The following TTLL7 variants were observed in gnomAD, a reference collection of about 807,000 sequenced individuals.
The protein encoded by TTLL7 is tubulin polyglutamylase TTLL7.
TTLL7 carries 53 observed loss-of-function variants against 120.2 expected under a neutral mutation model. The ratio of observed to expected loss-of-function variants is 0.44; its 90% CI spans 0.35 to 0.55. The LOEUF is 0.55. Among genes scored for constraint, TTLL7 ranks in the 20% least tolerant of loss-of-function variants. The pLI, the probability that TTLL7 is intolerant of heterozygous loss-of-function variation, is 0.00. For missense variants in TTLL7, 803 were observed against 1,054.7 expected (o/e 0.76, Z 3.31); for synonymous variants, 353 against 351.7 (o/e 1.00, Z -0.04).
At chr1:83,952,425 T>G (rs1649144691) in intron 1 of TTLL7, 38 bp from the exon 2 acceptor site, 1 of 434,226 alleles carries the variant, frequency 2.3e-6, no homozygotes, top group Non-Finnish European at 4.0e-6. Context: ...TAGAAAAAAC[T>G]TTTTTGAATT....
At chr1:83,988,407 G>A (rs973160989) in intron 1 of TTLL7, among the ~76,000 whole-genome samples, 2 of 152,180 alleles carry the variant, frequency 1.3e-5, no homozygotes, top group Non-Finnish European at 2.9e-5. Context: ...ATCCAGTAAT[G>A]GGATTGCTGG....
chr1:83,903,776 G>A (rs1457829357), intron 18 of TTLL7, among the ~76,000 whole-genome samples: 4 of 151,904 alleles, frequency 2.6e-5, no homozygotes, highest in Non-Finnish European at 5.9e-5. Flanking sequence ...TTGCATCCAT[G>A]GATGCGAAAC....
At chr1:83,972,435 T>C (rs143297085) in intron 1 of TTLL7, among the ~76,000 whole-genome samples, 1 of 152,218 alleles carries the variant, frequency 6.6e-6, no homozygotes, top group Non-Finnish European at 1.5e-5. Flanking sequence ...TATGACTTAA[T>C]AGCTCATTTC....
At chr1:83,959,316 T>A (rs188555062) in intron 1 of TTLL7, among the ~76,000 whole-genome samples, 2 of 152,292 alleles carry the variant, frequency 1.3e-5, no homozygotes, top group East Asian at 3.9e-4. Context: ...CCAGGGCAGA[T>A]CCAGGAAAGT....
intron 3 of TTLL7, 136 bp from the exon 4 acceptor site, chr1:83,950,122 T>C (rs1308031867): frequency 2.5e-6 from 2 of 795,134 alleles, no homozygotes; most frequent in Admixed American, 6.4e-5. Flanking sequence ...ACCTTATTTT[T>C]AGTTACAACA....
intron 1 of TTLL7, among the ~76,000 whole-genome samples, chr1:83,989,500 A>G (rs1571407140): frequency 6.6e-6 from 1 of 152,018 alleles, no homozygotes; most frequent in East Asian, 1.9e-4. Context: ...TCTCTATTCT[A>G]TTTCCCTGGT....
chr1:83,976,014 C>T (rs1431865806), intron 1 of TTLL7, among the ~76,000 whole-genome samples: 1 of 145,692 alleles, frequency 6.9e-6, no homozygotes, highest in East Asian at 2.0e-4. Context: ...AGTACTGTGT[C>T]CTGAAATTTT....
At chr1:83,991,611 T>A (rs1653009625) in intron 1 of TTLL7, among the ~76,000 whole-genome samples, 1 of 151,970 alleles carries the variant, frequency 6.6e-6, no homozygotes, top group Admixed American at 6.6e-5. Flanking sequence ...ACCACTGCAC[T>A]CCAGCCTAGG....
chr1:83,945,825 G>A (rs566062061), intron 6 of TTLL7, among the ~76,000 whole-genome samples: 20 of 151,858 alleles, frequency 1.3e-4, no homozygotes, highest in African/African-American at 4.8e-4. Context: ...TTTACCATCA[G>A]AAACATTCCT....
intron 17 of TTLL7, 121 bp from the exon 18 acceptor site, chr1:83,904,280 A>G (rs1656998727): frequency 5.9e-6 from 4 of 673,476 alleles, no homozygotes; most frequent in Non-Finnish European, 1.0e-5. Flanking sequence ...ATAAAAACAC[A>G]TGTGCAAAGA....
intron 16 of TTLL7, 90 bp from the exon 17 acceptor site, chr1:83,906,553 C>T: frequency 8.9e-6 from 14 of 1,565,680 alleles, no homozygotes; most frequent in Middle Eastern, 2.0e-4. Context: ...AAAAATGATG[C>T]ACTTTTAACT....
intron 9 of TTLL7, among the ~76,000 whole-genome samples, chr1:83,930,449 G>A (rs1659498528): frequency 6.6e-6 from 1 of 152,138 alleles, no homozygotes; most frequent in South Asian, 2.1e-4. Flanking sequence ...GTCTCAAGGA[G>A]AAGGAAATAG....
intron 17 of TTLL7, among the ~76,000 whole-genome samples, chr1:83,905,313 C>G (rs1289716253): frequency 6.6e-6 from 1 of 151,546 alleles, no homozygotes; most frequent in African/African-American, 2.4e-5. Flanking sequence ...GGGGGCTTTG[C>G]TTATGACTGT....
At chr1:83,959,762 A>G (rs969122788) in intron 1 of TTLL7, among the ~76,000 whole-genome samples, 3 of 152,212 alleles carry the variant, frequency 2.0e-5, no homozygotes, top group Non-Finnish European at 4.4e-5. Flanking sequence ...AATGCAAATC[A>G]ACACCAACAA....
chr1:83,916,577 A>C (rs1279511882), intron 14 of TTLL7, among the ~76,000 whole-genome samples: 1 of 152,156 alleles, frequency 6.6e-6, no homozygotes, highest in Non-Finnish European at 1.5e-5. Context: ...CCAACATGGC[A>C]CATGTATACA....
At chr1:83,926,863 A>G (rs1659180712) in intron 10 of TTLL7, among the ~76,000 whole-genome samples, 1 of 152,282 alleles carries the variant, frequency 6.6e-6, no homozygotes, top group African/African-American at 2.4e-5. Flanking sequence ...TGGAGGAAAA[A>G]GATTCTTCTT....
intron 8 of TTLL7, among the ~76,000 whole-genome samples, chr1:83,937,200 C>A (rs1001317728): frequency 7.5e-6 from 1 of 134,156 alleles, no homozygotes; most frequent in Non-Finnish European, 1.7e-5. Flanking sequence ...CTATTCAGTA[C>A]GGTAATTTTT....
chr1:83,946,659 A>T lies in TTLL7; in HGVS notation c.506+465T>A, dbSNP rs147158811. 1.8e-3 allele frequency among the ~76,000 whole-genome samples: 274 copies of T among 152,340 alleles called. 2 individuals are homozygous for T. The highest frequency in any genetic ancestry group is 6.2e-3 in the African/African-American group (256 of 41,576). The stretch of plus-strand genomic sequence containing the variant: ...TCTACTCATTTTTAATCCAATTACC[A>T]TGGCTACATAAAGAAAAAACTTATT... On this transcript the variant is annotated intron_variant, in intron 6 of 20. Coordinates refer to ENST00000260505, the MANE Select transcript of TTLL7 (RefSeq NM_024686.6).
intron 1 of TTLL7, among the ~76,000 whole-genome samples, chr1:83,977,962 G>A (rs962706550): frequency 5.3e-5 from 8 of 151,754 alleles, no homozygotes; most frequent in East Asian, 1.9e-4. Context: ...AATTATCTCC[G>A]GGTAGCCTAT....
Sources: allele counts gnomAD v4.1 joint callset (sites outside exome capture counted in the v4.1 genomes callset), GRCh38; gene constraint gnomAD v4.1.1; transcripts MANE v1.5; gene names NCBI Gene and HGNC (gene_info 2026-07-23, HGNC 2026-07-21).